Variants in ECT2 observed in about 807,000 individuals in gnomAD.
ECT2 encodes the protein protein ECT2.
Under a neutral mutation model 116.9 loss-of-function variants are expected in ECT2, and 61 were observed. That is an observed-to-expected ratio of 0.52 (90% CI 0.42 to 0.65). The LOEUF (loss-of-function observed/expected upper bound fraction) is 0.65, where lower values mean the gene tolerates loss of function less well. Ranked by LOEUF, ECT2 falls within the 30% of genes least tolerant of loss-of-function variation. ECT2 has a pLI of 0.00. For missense variants in ECT2, 937 were observed against 1,078.7 expected, an observed-to-expected ratio of 0.87 and a Z score of 1.84; for synonymous variants, 358 against 346.4, an observed-to-expected ratio of 1.03 and a Z score of -0.37.
In ECT2 at chr3:172,802,642, CAG is replaced by C. The variant is rs1371419697; in HGVS notation, c.1936_1937del (p.Glu646SerfsTer7). The stretch of plus-strand genomic sequence containing the variant: ...CATATTAATGAGGATAAGAGAAAAA[CAG>C]AAGCTCAAAAGCAAATTTTTGATGT... On this transcript the variant is annotated frameshift_variant, in exon 19 of 25. Coordinates refer to ENST00000392692, the MANE Select transcript of ECT2 (RefSeq NM_001258315.2). LOFTEE classifies it high-confidence loss of function. 5 of 1,600,396 alleles carry C rather than the reference CAG, an allele frequency of 3.1e-6. No individual in the cohort carries two copies. Among genetic ancestry groups the C allele is most frequent in the East Asian group, 2.2e-5 (1 of 44,478 alleles).
chr3:172,759,102 T>A, intron 6 of ECT2, 33 bp downstream of exon 6: 1 of 1,443,066 alleles, frequency 6.9e-7, no homozygotes, highest in Non-Finnish European at 9.5e-7. Flanking sequence ...AAAGCGTATT[T>A]TTTACAGCAA....
intron 14 of ECT2, among the ~76,000 whole-genome samples, chr3:172,775,928 T>C (rs1721582177): frequency 6.6e-6 from 1 of 152,146 alleles, no homozygotes. Flanking sequence ...GTCACTGTCC[T>C]GTCAAGTAGG....
At chr3:172,828,836 A>C in the ECT2 span, 2 of 886,092 alleles carry the variant, frequency 2.3e-6, no homozygotes, top group South Asian at 1.5e-5. Flanking sequence ...CTACTGCCTG[A>C]GAGATGAGTG....
intron 13 of ECT2, among the ~76,000 whole-genome samples, chr3:172,770,675 G>T (rs1720453870): frequency 6.6e-6 from 1 of 152,100 alleles, no homozygotes; most frequent in African/African-American, 2.4e-5. Flanking sequence ...TTTGTTTTAG[G>T]ACTGATATTT....
chr3:172,757,602 A>T (rs947351517), intron 5 of ECT2, among the ~76,000 whole-genome samples: 7 of 151,814 alleles, frequency 4.6e-5, no homozygotes, highest in African/African-American at 1.7e-4. Flanking sequence ...TTTTTAGTAG[A>T]GATGGCGTTT....
At chr3:172,813,971 T>G (rs1349193741) in intron 22 of ECT2, among the ~76,000 whole-genome samples, 5 of 152,068 alleles carry the variant, frequency 3.3e-5, no homozygotes, top group Non-Finnish European at 5.9e-5. Context: ...AGTAATTGAT[T>G]AGGAGAGTTA....
At chr3:172,769,583 A>C (rs1023465118) in intron 13 of ECT2, among the ~76,000 whole-genome samples, 1 of 152,082 alleles carries the variant, frequency 6.6e-6, no homozygotes, top group Non-Finnish European at 1.5e-5. Context: ...GATATAAGTA[A>C]TTTTTTTCAG....
chr3:172,822,813 T>G (rs1730742801), downstream of ECT2, among the ~76,000 whole-genome samples: 1 of 151,776 alleles, frequency 6.6e-6, no homozygotes, highest in Non-Finnish European at 1.5e-5. Flanking sequence ...ATAGATAAAT[T>G]TCAGAAAATT....
At chr3:172,826,018 C>T (rs1730831836), downstream of ECT2, among the ~76,000 whole-genome samples, 1 of 152,276 alleles carries the variant, frequency 6.6e-6, no homozygotes, top group Non-Finnish European at 1.5e-5. Context: ...CTCAGCCTCC[C>T]AAGTAGCTGG....
intron 13 of ECT2, chr3:172,771,348 A>G (rs1443768085): frequency 1.3e-5 from 2 of 152,208 alleles, no homozygotes; most frequent in East Asian, 3.8e-4. Flanking sequence ...GTCTTAATAT[A>G]GTGAATGTTT....
At chr3:172,824,040 G>C (rs1262438374), downstream of ECT2, among the ~76,000 whole-genome samples, 1 of 150,458 alleles carries the variant, frequency 6.6e-6, no homozygotes, top group Non-Finnish European at 1.5e-5. Flanking sequence ...TCCTGAACAA[G>C]TTACCTTTGC....
At chr3:172,827,194 G>A in the ECT2 span, among the ~76,000 whole-genome samples, 332 of 152,244 alleles carry the variant, frequency 2.2e-3, no homozygotes, top group African/African-American at 7.4e-3. Flanking sequence ...GGGAATGTGC[G>A]TACAACCACT....
At chr3:172,800,098 TG>T (rs1288831935) in intron 18 of ECT2, among the ~76,000 whole-genome samples, 1 of 152,218 alleles carries the variant, frequency 6.6e-6, no homozygotes, top group Non-Finnish European at 1.5e-5. Flanking sequence ...TGATTAGCTT[TG>T]CTGTCAGAGA....
At chr3:172,814,934 G>A (rs1307492965) in intron 22 of ECT2, among the ~76,000 whole-genome samples, 1 of 152,106 alleles carries the variant, frequency 6.6e-6, no homozygotes, top group Non-Finnish European at 1.5e-5. Flanking sequence ...TGTGCCTGTT[G>A]ACCAATCTCA....
Position 172,807,939 on chromosome 3 carries a change from C to T in ECT2, c.2400+15C>T. 6.2e-7 allele frequency: 1 copy of T among 1,608,904 alleles called. No homozygotes were observed. Among genetic ancestry groups the T allele is most frequent in the Non-Finnish European group, 8.5e-7 (1 of 1,177,244 alleles). On this transcript the variant is annotated intron_variant, in intron 22 of 24. Transcript: ENST00000392692. ...AAGCAGATGCTGTAAGTTCTTAAAA[C>T]AGTATTATAATGAAAGTTTAAATTT...
At chr3:172,799,430 A>G (rs1726308417) in intron 18 of ECT2, among the ~76,000 whole-genome samples, 1 of 152,224 alleles carries the variant, frequency 6.6e-6, no homozygotes, top group Non-Finnish European at 1.5e-5. Flanking sequence ...ACTCCATATG[A>G]TGACACTCCT....
At position 172,805,810 on chromosome 3, in the gene ECT2, A is replaced by G; in HGVS notation, c.2186A>G (p.His729Arg). 1.2e-6 allele frequency: 2 copies of G among 1,613,894 alleles called. No homozygotes were observed. The highest frequency in any genetic ancestry group is 8.5e-7 in the Non-Finnish European group (1 of 1,179,856). ...GQTRPPASLK[H>R]IHLMPLSQIK... ...ACCCGACCCCCAGCTTCTCTTAAGC[A>G]TATTCACCTAATGCCTCTTTCTCAG... The change falls in exon 21 of 25, where the codon CAT becomes CGT. Residue 729 changes from histidine to arginine, a missense_variant. His to Arg is a conservative substitution (Grantham distance 29). Transcript: ENST00000392692.
At chr3:172,794,504 T>G (rs1192443585) in intron 18 of ECT2, among the ~76,000 whole-genome samples, 1 of 152,214 alleles carries the variant, frequency 6.6e-6, no homozygotes, top group Non-Finnish European at 1.5e-5. Context: ...TACTGTACTT[T>G]AAGTTTTGAA....
chr3:172,813,378 G>C (rs1310274131), intron 22 of ECT2, among the ~76,000 whole-genome samples: 3 of 151,964 alleles, frequency 2.0e-5, no homozygotes, highest in African/African-American at 7.2e-5. Flanking sequence ...GGAGACCATT[G>C]AGGGCTAGTG....
Sources: gnomAD v4.1 joint callset for allele counts (sites outside exome capture counted in the v4.1 genomes callset) on GRCh38, gnomAD v4.1.1 for gene constraint, MANE v1.5 for transcripts, NCBI Gene and HGNC (gene_info 2026-07-23, HGNC 2026-07-21) for gene names.